The following DNAAF8 variants were observed in gnomAD, a reference collection of about 807,000 sequenced individuals.
DNAAF8 encodes dynein axonemal-associated protein 1.
In DNAAF8, 61 loss-of-function variants were observed where a neutral mutation model predicts 54.6. The observed-to-expected ratio is 1.12, with a 90% CI of 0.91 to 1.38. DNAAF8 has a LOEUF of 1.38. DNAAF8 is among the 40% of genes most tolerant of loss of function. DNAAF8 has a pLI of 0.00. For missense variants in DNAAF8, 837 were observed against 665.0 expected (o/e 1.26, Z -2.85); for synonymous variants, 320 against 270.1 (o/e 1.18, Z -1.81).
intron 4 of DNAAF8, among the ~76,000 whole-genome samples, chr16:4,741,604 A>C (rs374698650): frequency 9.2e-5 from 14 of 152,292 alleles, no homozygotes; most frequent in African/African-American, 3.4e-4. Flanking sequence ...GTTCGAGAGC[A>C]GCCTGGCCAA....
chr16:4,742,960 T>A, intron 4 of DNAAF8, 83 bp from the exon 5 acceptor site: 1 of 1,084,830 alleles, frequency 9.2e-7, no homozygotes. Context: ...ACCATCTCCA[T>A]GGGTCACAGC....
At chr16:4,743,342 A>G in intron 5 of DNAAF8, 182 bp downstream of exon 5, 2 of 518,398 alleles carry the variant, frequency 3.9e-6, no homozygotes, top group East Asian at 3.6e-5. Context: ...CATTCAACAT[A>G]TATGTGACCG....
intron 8 of DNAAF8, 108 bp from the exon 9 acceptor site, chr16:4,747,235 G>A (rs2142215222): frequency 1.4e-6 from 2 of 1,379,856 alleles, no homozygotes; most frequent in African/African-American, 1.5e-5. Context: ...TTGCATTCTT[G>A]CTCTGAAATG....
rs199817866 is a variant in DNAAF8, at chr16:4,740,485, A to G, written c.609A>G (p.Arg203=). Residue 203 remains arginine (R), a synonymous_variant, in exon 4 of 10, where the codon AGA becomes AGG. Coordinates refer to ENST00000299320, the MANE Select transcript of DNAAF8 (RefSeq NM_139170.3). ...ACCGCCGGGCCCTCCGACAGGAGAG[A>G]AGGAAGATGATAGAGACGGACATCC... is the stretch of plus-strand genomic sequence containing the variant. ...SVNRRALRQE[R]RKMIETDILQ... 5.0e-6 allele frequency: 8 copies of G among 1,613,942 alleles called. No individual in the cohort carries two copies. The African/African-American group carries it at 8.0e-5, about 16-fold the overall frequency.
intron 5 of DNAAF8, 31 bp downstream of exon 5, chr16:4,743,191 A>G: frequency 6.7e-7 from 1 of 1,487,236 alleles, no homozygotes; most frequent in Non-Finnish European, 9.2e-7. Flanking sequence ...GCCCACGTGA[A>G]TCCCCACAAG....
rs908397591 is a variant in DNAAF8, at chr16:4,738,884, T to TA, written c.276+948dup. 3.8e-3 allele frequency among the ~76,000 whole-genome samples: 557 copies of TA among 147,718 alleles called. 5 individuals are homozygous for TA. The highest frequency in any genetic ancestry group is 0.013 in the African/African-American group (527 of 39,350). On this transcript the variant is annotated intron_variant, in intron 3 of 9. Coordinates refer to ENST00000299320, the MANE Select transcript of DNAAF8 (RefSeq NM_139170.3). ...CTGGGCAACAGAGTGAGACTCCATCTAAAAAAAAAATAATAATAAAGAAAA... is the reference window on the plus strand; with the variant it reads ...CTGGGCAACAGAGTGAGACTCCATCTAAAAAAAAAAATAATAATAAAGAAAA...
In DNAAF8 at chr16:4,737,827, A is replaced by G; in HGVS notation, c.157A>G (p.Ile53Val). 1 of 1,614,132 alleles carries G rather than the reference A, an allele frequency of 6.2e-7. No homozygotes were observed. Among genetic ancestry groups the G allele is most frequent in the Non-Finnish European group, 8.5e-7 (1 of 1,179,964 alleles). ...GGACTATGGGGAAGAGGAGCTGTTC[A>G]TCTTCCAGCGAAACCAAACCTCCCT... ...LSDYGEEELF[I>V]FQRNQTSLIP... is the part of the protein sequence containing the mutation. Residue 53 changes from isoleucine to valine, a missense_variant, in exon 3 of 10, where the codon ATC becomes GTC. By Grantham distance (29) the Ile-to-Val change is conservative (BLOSUM62 3). Transcript: ENST00000299320.
At chr16:4,738,641 A>T (rs1596482005) in intron 3 of DNAAF8, among the ~76,000 whole-genome samples, 3 of 152,256 alleles carry the variant, frequency 2.0e-5, no homozygotes, top group South Asian at 4.1e-4. Flanking sequence ...CCAGCATTTT[A>T]GGAGGCCAGT....
At chr16:4,740,707 G>T in intron 4 of DNAAF8, 48 bp downstream of exon 4, 1 of 1,515,652 alleles carries the variant, frequency 6.6e-7, no homozygotes, top group Non-Finnish European at 8.8e-7. Context: ...GTTACCTGTG[G>T]CATGGCTGCT....
At chr16:4,742,699 G>A (rs1001220305) in intron 4 of DNAAF8, among the ~76,000 whole-genome samples, 4 of 152,138 alleles carry the variant, frequency 2.6e-5, no homozygotes, top group African/African-American at 7.2e-5. Context: ...CAGCCTGAGC[G>A]ACAGAGTGAG....
intron 1 of DNAAF8, among the ~76,000 whole-genome samples, chr16:4,735,602 GATATAA>G (rs918850292): frequency 6.7e-6 from 1 of 149,826 alleles, no homozygotes; most frequent in African/African-American, 2.5e-5. Context: ...AAGACTCTAA[GATATAA>G]ATGCAGGGGC....
At chr16:4,737,266 T>G (rs17137214) in intron 2 of DNAAF8, among the ~76,000 whole-genome samples, 15,209 of 152,072 alleles carry the variant, frequency 0.1, 1,643 homozygotes, top group African/African-American at 0.28. Flanking sequence ...CAACAGAGCT[T>G]CAGGGACCTC....
At position 4,736,659 on chromosome 16, in the gene DNAAF8, C is replaced by G; in HGVS notation, c.129+16C>G. The G allele has an allele frequency of 6.5e-7, 1 of 1,543,516 alleles. No individual in the cohort carries two copies. Among genetic ancestry groups the G allele is most frequent in the Non-Finnish European group, 8.8e-7 (1 of 1,141,826 alleles). On this transcript the variant is annotated intron_variant, in intron 2 of 9. Transcript: ENST00000299320. ...CTCCCCTTTGGTAAGCAAGAACTCT[C>G]TCCCTGGATGCCTTGTCCTTCCTAC...
chr16:4,748,080 T>C (rs928347194), intron 9 of DNAAF8, among the ~76,000 whole-genome samples: 8 of 152,182 alleles, frequency 5.3e-5, no homozygotes, highest in Non-Finnish European at 1.2e-4. Context: ...TCTGGCTTCC[T>C]GCATACTTGC....
intron 3 of DNAAF8, among the ~76,000 whole-genome samples, chr16:4,739,265 G>GTTTTTTTTTTGTTTTTTTTT (rs2081931860): frequency 1.4e-5 from 1 of 69,030 alleles, no homozygotes; most frequent in African/African-American, 5.4e-5. Flanking sequence ...ATTTTTTCTT[G>GTTTTTTTTTTGTTTTTTTTT]TTTTTTTTTT....
chr16:4,741,067 C>CA lies in DNAAF8; in HGVS notation c.783+422dup, dbSNP rs71139655. Among the ~76,000 whole-genome samples the CA allele has an allele frequency of 2.1e-3, 300 of 142,562 alleles. 2 individuals carry two copies. Among genetic ancestry groups the CA allele is most frequent in the African/African-American group, 7.1e-3 (277 of 39,116 alleles). 93.5% of individuals were successfully genotyped at this position (142,562 alleles called of 152,430 possible). A position where few individuals can be genotyped will look rare whatever the true frequency, so the allele number is the denominator to read the frequency against. ...TGAAACCCCATCTCTACTAAAAATA[C>CA]AAAAAAAAAAAAAATAATTAGCTGG... On this transcript the variant is annotated intron_variant, in intron 4 of 9. Transcript: ENST00000299320.
chr16:4,736,676 C>T (rs771245351), intron 2 of DNAAF8, 33 bp downstream of exon 2: 1 of 1,519,748 alleles, frequency 6.6e-7, no homozygotes, highest in South Asian at 1.2e-5. Flanking sequence ...GATGCCTTGT[C>T]CTTCCTACCA....
At position 4,744,916 on chromosome 16, in the gene DNAAF8, C is replaced by T; in HGVS notation, c.948C>T (p.Ala316=). ...SAHNRLMEQL[A]LLCTTQSKAS... Reference sequence around the variant, plus strand: ...ACAACAGGCTCATGGAACAGCTGGCCCTCCTGTGCACCACGCAGTCCAAGG... The same window carrying T: ...ACAACAGGCTCATGGAACAGCTGGCTCTCCTGTGCACCACGCAGTCCAAGG... The change falls in exon 6 of 10, where the codon GCC becomes GCT. Residue 316 remains alanine, a synonymous_variant. Coordinates refer to ENST00000299320, the MANE Select transcript of DNAAF8 (RefSeq NM_139170.3). 2 of 1,613,864 alleles carry T rather than the reference C, an allele frequency of 1.2e-6. No individual in the cohort carries two copies. Among genetic ancestry groups the T allele is most frequent in the South Asian group, 1.1e-5 (1 of 91,086 alleles).
intron 3 of DNAAF8, among the ~76,000 whole-genome samples, chr16:4,738,173 A>G (rs888849964): frequency 1.3e-5 from 2 of 151,466 alleles, no homozygotes; most frequent in Admixed American, 1.3e-4. Flanking sequence ...TTGATTTTCC[A>G]TCCGATTTTG....
Sources: allele counts gnomAD v4.1 joint callset (sites outside exome capture counted in the v4.1 genomes callset), GRCh38; gene constraint gnomAD v4.1.1; transcripts MANE v1.5; gene names NCBI Gene and HGNC (gene_info 2026-07-23, HGNC 2026-07-21).